Variants in ARHGEF7 observed in about 807,000 individuals in gnomAD.
ARHGEF7 encodes PAK-interacting exchange factor beta.
A neutral mutation model predicts 109.8 loss-of-function variants in ARHGEF7; 33 were observed. That is an observed-to-expected ratio of 0.30 (90% confidence interval 0.23 to 0.40). The LOEUF (loss-of-function observed/expected upper bound fraction) is 0.40, where lower values mean the gene tolerates loss of function less well. ARHGEF7 is among the 10% of genes least tolerant of loss of function. The pLI, the probability that ARHGEF7 is intolerant of heterozygous loss-of-function variation, is 1.00. For synonymous variants in ARHGEF7, 458 were observed against 424.6 expected (o/e 1.08, Z -0.97); for missense variants, 938 against 1,098.5 (o/e 0.85, Z 2.07).
chr13:111,267,441 G>C (rs1160320494), intron 8 of ARHGEF7, 107 bp from the exon 9 acceptor site: 1 of 1,422,604 alleles, frequency 7.0e-7, no homozygotes, highest in Non-Finnish European at 9.6e-7. Context: ...TTCACAGATG[G>C]GTGCAGAGGG....
intron 5 of ARHGEF7, among the ~76,000 whole-genome samples, chr13:111,232,855 G>C (rs2086286259): frequency 6.6e-6 from 1 of 152,172 alleles, no homozygotes; most frequent in Admixed American, 6.5e-5. Flanking sequence ...CTGCCAAAAT[G>C]CCTTTTATTT....
intron 19 of ARHGEF7, chr13:111,293,667 C>T: frequency 7.1e-6 from 7 of 985,344 alleles, no homozygotes; most frequent in Non-Finnish European, 8.4e-6. Context: ...TTTAAGTATT[C>T]ATTGAAACCA....
chr13:111,167,006 G>T (rs2077182651), intron 2 of ARHGEF7, among the ~76,000 whole-genome samples: 1 of 152,138 alleles, frequency 6.6e-6, no homozygotes, highest in Non-Finnish European at 1.5e-5. Context: ...GGAGATGTTA[G>T]TCCCAGAACA....
intron 1 of ARHGEF7, among the ~76,000 whole-genome samples, chr13:111,121,457 T>C (rs1225015848): frequency 6.6e-6 from 1 of 152,218 alleles, no homozygotes; most frequent in African/African-American, 2.4e-5. Context: ...TCTCTCCCTT[T>C]AGAGGCCACT....
Position 111,151,456 on chromosome 13 carries a change from AATACTGCTCACTACACTACAAAAGTCCAT to A in ARHGEF7, c.166-2445_166-2417del, listed in dbSNP as rs1255573607. Among the ~76,000 whole-genome samples, 3 of 152,356 alleles carry A rather than the reference AATACTGCTCACTACACTACAAAAGTCCAT, an allele frequency of 2.0e-5. No homozygotes were observed. The East Asian group carries it at 5.8e-4, about 29-fold the overall frequency. On this transcript the variant is annotated intron_variant, in intron 1 of 21. Transcript: ENST00000646102. ...TTTCTTTGGCTTTCAGCCTCACAACAATACTGCTCACTACACTACAAAAGTCCATATATGACTTTTTTTATTGGTTGTCG... is the reference window on the plus strand; with the variant it reads ...TTTCTTTGGCTTTCAGCCTCACAACAATATGACTTTTTTTATTGGTTGTCG...
At chr13:111,205,031 C>T (rs1341744884) in intron 2 of ARHGEF7, among the ~76,000 whole-genome samples, 2 of 150,918 alleles carry the variant, frequency 1.3e-5, no homozygotes, top group Non-Finnish European at 3.0e-5. Context: ...AATGAGCTCA[C>T]ACTCCAGAGG....
At chr13:111,176,214 A>T (rs2078148294) in intron 2 of ARHGEF7, among the ~76,000 whole-genome samples, 2 of 152,210 alleles carry the variant, frequency 1.3e-5, no homozygotes, top group African/African-American at 4.8e-5. Flanking sequence ...TTTTAGTCTA[A>T]TGATGGCCAG....
chr13:111,222,401 A>G (rs566328156), intron 5 of ARHGEF7, among the ~76,000 whole-genome samples: 4 of 152,086 alleles, frequency 2.6e-5, no homozygotes, highest in Non-Finnish European at 4.4e-5. Flanking sequence ...ATGGAAAGTC[A>G]TGCTAGTTTT....
At chr13:111,205,720 G>A (rs553080872) in intron 3 of ARHGEF7, among the ~76,000 whole-genome samples, 2 of 152,078 alleles carry the variant, frequency 1.3e-5, no homozygotes, top group Non-Finnish European at 2.9e-5. Context: ...GTGTATGCTG[G>A]TTAAAATTTG....
At chr13:111,301,887 G>A (rs747235692) in intron 21 of ARHGEF7, among the ~76,000 whole-genome samples, 5 of 152,120 alleles carry the variant, frequency 3.3e-5, no homozygotes, top group Admixed American at 6.5e-5. Context: ...GCAAGACTCC[G>A]TCTCAAATAA....
At chr13:111,194,016 A>T (rs1276998057) in intron 2 of ARHGEF7, among the ~76,000 whole-genome samples, 1 of 152,170 alleles carries the variant, frequency 6.6e-6, no homozygotes, top group Non-Finnish European at 1.5e-5. Context: ...TGCCATTTAC[A>T]TCATGAGTAG....
intron 4 of ARHGEF7, 85 bp downstream of exon 4, chr13:111,210,087 C>T: frequency 6.4e-7 from 1 of 1,556,066 alleles, no homozygotes; most frequent in South Asian, 1.2e-5. Flanking sequence ...ACGTATGCCT[C>T]CATTAATGGT....
At chr13:111,238,441 T>G (rs1225196717) in intron 6 of ARHGEF7, among the ~76,000 whole-genome samples, 1 of 151,824 alleles carries the variant, frequency 6.6e-6, no homozygotes, top group Non-Finnish European at 1.5e-5. Flanking sequence ...TTAAGAAGAG[T>G]ATTTAAGAGC....
At chr13:111,137,274 C>G (rs559607801) in intron 1 of ARHGEF7, among the ~76,000 whole-genome samples, 6 of 152,230 alleles carry the variant, frequency 3.9e-5, no homozygotes, top group Non-Finnish European at 7.3e-5. Flanking sequence ...AACAAGTTCT[C>G]AGGCAGTGCT....
intron 2 of ARHGEF7, among the ~76,000 whole-genome samples, chr13:111,181,193 T>C (rs2078697297): frequency 6.6e-6 from 1 of 152,216 alleles, no homozygotes; most frequent in African/African-American, 2.4e-5. Context: ...TTAGTGTGGA[T>C]CATGGTCAAG....
chr13:111,149,109 C>G (rs1468448046), intron 1 of ARHGEF7, among the ~76,000 whole-genome samples: 1 of 151,962 alleles, frequency 6.6e-6, no homozygotes, highest in East Asian at 1.9e-4. Context: ...CTATACATTT[C>G]ATTAAAAAAA....
intron 2 of ARHGEF7, among the ~76,000 whole-genome samples, chr13:111,193,255 G>A (rs1314518164): frequency 6.6e-6 from 1 of 152,198 alleles, no homozygotes; most frequent in Non-Finnish European, 1.5e-5. Context: ...GTTTCAGTTG[G>A]GGAATACTGG....
chr13:111,302,163 C>G lies in ARHGEF7; in HGVS notation c.2466+631C>G, dbSNP rs372920926. 8.7e-4 allele frequency among the ~76,000 whole-genome samples: 132 copies of G among 152,316 alleles called. 3 individuals are homozygous for G. The South Asian group carries it at 0.027, about 31-fold the overall frequency. On this transcript the variant is annotated intron_variant, in intron 21 of 21. Coordinates refer to ENST00000646102, the MANE Select transcript of ARHGEF7 (RefSeq NM_001354046.2). The stretch of plus-strand genomic sequence containing the variant: ...ACTGCATGGTCCTTGGCTCCCGAAG[C>G]CAGGTTAGCGAGCCAGAAGTGGCGA...
chr13:111,219,719 T>C (rs2153493588), intron 5 of ARHGEF7, among the ~76,000 whole-genome samples: 1 of 152,262 alleles, frequency 6.6e-6, no homozygotes, highest in Non-Finnish European at 1.5e-5. Context: ...TTGTTAATAA[T>C]GATAATTTAA....
Sources: allele counts gnomAD v4.1 joint callset (sites outside exome capture counted in the v4.1 genomes callset), GRCh38; gene constraint gnomAD v4.1.1; transcripts MANE v1.5; gene names NCBI Gene and HGNC (gene_info 2026-07-23, HGNC 2026-07-21).